The following FTO variants were observed in gnomAD, a reference collection of about 807,000 sequenced individuals.
The protein encoded by FTO is alpha-ketoglutarate-dependent dioxygenase FTO.
In FTO, 47 loss-of-function variants were observed where a neutral mutation model predicts 63.9. That is an observed-to-expected ratio of 0.74 (90% CI 0.58 to 0.94). The LOEUF (loss-of-function observed/expected upper bound fraction) is 0.94. Among genes scored for constraint, FTO ranks in the 40% least tolerant of loss-of-function variants. The pLI is 0.00. For synonymous variants in FTO, 207 were observed against 224.4 expected (o/e 0.92, Z 0.69); for missense variants, 562 against 618.1 (o/e 0.91, Z 0.96).
chr16:53,906,705 A>C (rs994342232), intron 7 of FTO, among the ~76,000 whole-genome samples: 1 of 152,136 alleles, frequency 6.6e-6, no homozygotes, highest in African/African-American at 2.4e-5. Flanking sequence ...TTTCCTATGG[A>C]GAGAATAACG....
At chr16:53,717,105 C>T (rs1181369733) in intron 1 of FTO, among the ~76,000 whole-genome samples, 1 of 151,488 alleles carries the variant, frequency 6.6e-6, no homozygotes, top group Non-Finnish European at 1.5e-5. Flanking sequence ...AGTGAACATT[C>T]TTGTACATAA....
At chr16:54,007,338 G>T (rs1016874777) in intron 8 of FTO, among the ~76,000 whole-genome samples, 6 of 152,196 alleles carry the variant, frequency 3.9e-5, no homozygotes, top group African/African-American at 1.4e-4. Flanking sequence ...AAAAAAGAAT[G>T]GTCGTGTAGT....
Position 53,838,250 on chromosome 16 carries a change from A to G in FTO, c.752-5905A>G, listed in dbSNP as rs180740965. ...AGATCTGTGACATGGATAGCAAGGG[A>G]CCAGCCTTTTAAAGCTCCTCCAGGT... On this transcript the variant is annotated intron_variant, in intron 3 of 8. Transcript: ENST00000471389. 3.0e-3 allele frequency among the ~76,000 whole-genome samples: 455 copies of G among 152,310 alleles called. 1 individual carries two copies. The highest frequency in any genetic ancestry group is 4.9e-3 in the Non-Finnish European group (334 of 68,026).
intron 2 of FTO, among the ~76,000 whole-genome samples, chr16:53,824,005 T>C (rs1470318162): frequency 6.6e-6 from 1 of 152,232 alleles, no homozygotes; most frequent in Non-Finnish European, 1.5e-5. Flanking sequence ...CTTATCTTTG[T>C]CTCTATTTTA....
chr16:53,706,575 T>A (rs2075627440), intron 1 of FTO, among the ~76,000 whole-genome samples: 1 of 152,210 alleles, frequency 6.6e-6, no homozygotes, highest in Non-Finnish European at 1.5e-5. Context: ...GATTTTTTTT[T>A]CAAAATAGAG....
intron 6 of FTO, among the ~76,000 whole-genome samples, chr16:53,883,747 G>A (rs1288959979): frequency 6.6e-6 from 1 of 152,006 alleles, no homozygotes; most frequent in Non-Finnish European, 1.5e-5. Flanking sequence ...CGGCCCCCTG[G>A]GGTTGAATAG....
chr16:53,873,935 T>A, intron 5 of FTO, 70 bp downstream of exon 5: 1 of 1,144,376 alleles, frequency 8.7e-7, no homozygotes, highest in Non-Finnish European at 1.3e-6. Context: ...AGCAATTTAC[T>A]ATAGAGCTTT....
chr16:53,710,335 A>T (rs1314361144), intron 1 of FTO, among the ~76,000 whole-genome samples: 1 of 144,280 alleles, frequency 6.9e-6, no homozygotes, highest in Non-Finnish European at 1.5e-5. Context: ...GCGCGATCTC[A>T]GCTCACTGCA....
chr16:53,732,435 T>C (rs942867815), intron 1 of FTO, among the ~76,000 whole-genome samples: 1 of 152,196 alleles, frequency 6.6e-6, no homozygotes, highest in Admixed American at 6.5e-5. Context: ...TACTGCACTT[T>C]ACAAATATCC....
At chr16:54,054,864 C>T (rs1172215684) in intron 8 of FTO, among the ~76,000 whole-genome samples, 1 of 152,104 alleles carries the variant, frequency 6.6e-6, no homozygotes, top group Non-Finnish European at 1.5e-5. Flanking sequence ...AAAGAAAAGG[C>T]GGAACTTAGT....
At chr16:53,859,553 T>TTA (rs1037550263) in intron 4 of FTO, among the ~76,000 whole-genome samples, 1 of 149,030 alleles carries the variant, frequency 6.7e-6, no homozygotes, top group Admixed American at 6.7e-5. Flanking sequence ...TTAATGATAT[T>TTA]TATATATATA....
chr16:53,771,602 G>A (rs1285518596), intron 1 of FTO, among the ~76,000 whole-genome samples: 2 of 151,888 alleles, frequency 1.3e-5, no homozygotes, highest in Non-Finnish European at 2.9e-5. Context: ...CATATAACCC[G>A]GCAATTCCAC....
In FTO at chr16:54,027,567, TA is replaced by T. The variant is rs34493332; in HGVS notation, c.1365-84184del. Among the ~76,000 whole-genome samples, 44 of 149,710 alleles carry T rather than the reference TA, an allele frequency of 2.9e-4. 1 individual carries two copies. Among genetic ancestry groups the T allele is most frequent in the African/African-American group, 6.3e-4 (26 of 40,974 alleles). On this transcript the variant is annotated intron_variant, in intron 8 of 8. Coordinates refer to ENST00000471389, the MANE Select transcript of FTO (RefSeq NM_001080432.3). ...CCTATCACTTTACTCCCTAAAGATT[TA>T]AAAAAAAAAATCTGCTTTCTGAAAA...
intron 7 of FTO, among the ~76,000 whole-genome samples, chr16:53,926,998 G>A (rs1385153996): frequency 1.3e-5 from 2 of 152,184 alleles, no homozygotes; most frequent in Admixed American, 6.5e-5. Flanking sequence ...TGGAAGCACT[G>A]GGGCTTCATG....
chr16:53,706,287 G>A (rs1046387108), intron 1 of FTO, among the ~76,000 whole-genome samples: 11 of 152,086 alleles, frequency 7.2e-5, no homozygotes, highest in Admixed American at 6.5e-4. Context: ...ATTTTATTGA[G>A]GTATAATTTA....
At chr16:54,001,407 G>C (rs185582530) in intron 8 of FTO, among the ~76,000 whole-genome samples, 1 of 152,080 alleles carries the variant, frequency 6.6e-6, no homozygotes, top group Non-Finnish European at 1.5e-5. Context: ...TGAATATGTT[G>C]GTTGTGGATT....
At chr16:53,964,919 A>G (rs2083162700) in intron 8 of FTO, among the ~76,000 whole-genome samples, 1 of 152,234 alleles carries the variant, frequency 6.6e-6, no homozygotes, top group African/African-American at 2.4e-5. Context: ...ATCGTGGTAA[A>G]CACAAATTAT....
At chr16:53,939,779 T>C (rs2082483998) in intron 8 of FTO, among the ~76,000 whole-genome samples, 4 of 152,252 alleles carry the variant, frequency 2.6e-5, no homozygotes, top group Admixed American at 6.5e-5. Flanking sequence ...ATCCATGTTA[T>C]AGCATATAAG....
In FTO at chr16:54,106,459, A is replaced by G. The variant is rs568909053; in HGVS notation, c.1365-5303A>G. On this transcript the variant is annotated intron_variant, in intron 8 of 8. Coordinates refer to ENST00000471389, the MANE Select transcript of FTO (RefSeq NM_001080432.3). The stretch of plus-strand genomic sequence containing the variant: ...GAGAAAAAGTATATATATAATATAT[A>G]TACTTTATATACACATATAATATGT... Among the ~76,000 whole-genome samples, 29 of 146,838 alleles carry G rather than the reference A, an allele frequency of 2.0e-4. No individual in the cohort carries two copies. In the South Asian group the frequency reaches 5.9e-3, roughly 30 times the overall value.
Sources: allele counts gnomAD v4.1 joint callset (sites outside exome capture counted in the v4.1 genomes callset), GRCh38; gene constraint gnomAD v4.1.1; transcripts MANE v1.5; gene names NCBI Gene and HGNC (gene_info 2026-07-23, HGNC 2026-07-21).